Variants in GDPD4 observed in about 807,000 individuals in gnomAD.
GDPD4 encodes glycerophosphodiester phosphodiesterase 6.
Under a neutral mutation model 67.8 loss-of-function variants are expected in GDPD4, and 60 were observed. The observed-to-expected ratio is 0.88, with a 90% CI of 0.72 to 1.10. GDPD4 has a LOEUF of 1.10. Among genes scored for constraint, GDPD4 ranks in the 50% least tolerant of loss-of-function variants. The probability of loss-of-function intolerance (pLI) is 0.00; values close to 1 mark genes in which losing one functional copy is unlikely to be tolerated. For synonymous variants in GDPD4, 212 were observed against 210.9 expected, an observed-to-expected ratio of 1.00 and a Z score of -0.04; for missense variants, 623 against 613.9, an observed-to-expected ratio of 1.01 and a Z score of -0.16.
chr11:77,290,553 A>C (rs1591581871), intron 1 of GDPD4, among the ~76,000 whole-genome samples: 3 of 152,310 alleles, frequency 2.0e-5, no homozygotes, highest in African/African-American at 7.2e-5. Context: ...AAGAAAAAAA[A>C]ATTATTGAAA....
intron 14 of GDPD4, among the ~76,000 whole-genome samples, chr11:77,232,662 CA>C (rs1412906364): frequency 3.9e-5 from 6 of 152,162 alleles, no homozygotes. Flanking sequence ...GCTACAGTAA[CA>C]AAACTCTGAA....
intron 1 of GDPD4, among the ~76,000 whole-genome samples, chr11:77,290,341 C>A (rs1937731038): frequency 6.6e-6 from 1 of 152,180 alleles, no homozygotes; most frequent in Admixed American, 6.5e-5. Flanking sequence ...ATAAAACATT[C>A]TCCAGGATAG....
At chr11:77,255,496 G>A (rs144729698) in intron 11 of GDPD4, among the ~76,000 whole-genome samples, 259 of 152,108 alleles carry the variant, frequency 1.7e-3, no homozygotes, top group African/African-American at 4.9e-3. Flanking sequence ...CTCAGGAGGC[G>A]GAGGCTTCAG....
intron 11 of GDPD4, among the ~76,000 whole-genome samples, chr11:77,252,498 T>C (rs540688151): frequency 2.0e-5 from 3 of 152,342 alleles, no homozygotes; most frequent in Non-Finnish European, 4.4e-5. Context: ...GAATTCCTTT[T>C]CCAGTAATTC....
intron 10 of GDPD4, among the ~76,000 whole-genome samples, chr11:77,259,819 G>T (rs1370632687): frequency 6.6e-6 from 1 of 152,152 alleles, no homozygotes; most frequent in Non-Finnish European, 1.5e-5. Flanking sequence ...TAAGTGTATG[G>T]CTAAATATCA....
intron 13 of GDPD4, among the ~76,000 whole-genome samples, chr11:77,233,846 T>C (rs1285101412): frequency 2.6e-5 from 4 of 152,198 alleles, no homozygotes; most frequent in Non-Finnish European, 5.9e-5. Context: ...GGTGAACTTA[T>C]TAAATTTCAA....
chr11:77,295,147 T>G (rs577264072), intron 1 of GDPD4, among the ~76,000 whole-genome samples: 4 of 151,480 alleles, frequency 2.6e-5, no homozygotes, highest in African/African-American at 9.7e-5. Flanking sequence ...TTGTTGTTGT[T>G]GTTTTTGTTT....
chr11:77,245,768 A>G (rs937808897), intron 11 of GDPD4, among the ~76,000 whole-genome samples: 7 of 152,160 alleles, frequency 4.6e-5, no homozygotes, highest in Non-Finnish European at 1.0e-4. Flanking sequence ...CTTCCTTTCC[A>G]GCCTTCTCTC....
chr11:77,272,635 G>A (rs939167027), intron 5 of GDPD4, among the ~76,000 whole-genome samples: 5 of 152,068 alleles, frequency 3.3e-5, no homozygotes, highest in Non-Finnish European at 7.4e-5. Flanking sequence ...AATTAGCCAG[G>A]TGTGGTTGCA....
intron 13 of GDPD4, among the ~76,000 whole-genome samples, chr11:77,239,542 T>C (rs186036183): frequency 4.6e-5 from 7 of 152,330 alleles, no homozygotes; most frequent in Admixed American, 2.0e-4. Flanking sequence ...TTCTATGTAC[T>C]AACAACTACC....
At chr11:77,286,987 G>T (rs138686471) in intron 2 of GDPD4, 1 of 152,210 alleles carries the variant, frequency 6.6e-6, no homozygotes, top group African/African-American at 2.4e-5. Context: ...ACATAAAAGA[G>T]GTAGTAAGGA....
chr11:77,300,803 C>T (rs1793470), intron 1 of GDPD4, among the ~76,000 whole-genome samples: 113,462 of 152,190 alleles, frequency 0.75, 43,412 homozygotes, highest in African/African-American at 0.93. Context: ...CAGAAACCTA[C>T]GCATGGTCAA....
chr11:77,263,378 A>C (rs370481219), intron 10 of GDPD4, among the ~76,000 whole-genome samples: 5 of 152,208 alleles, frequency 3.3e-5, no homozygotes, highest in African/African-American at 1.2e-4. Context: ...ACAAAAATGT[A>C]TAATACTCAA....
chr11:77,301,383 A>G (rs977933975), intron 1 of GDPD4, among the ~76,000 whole-genome samples: 1 of 152,164 alleles, frequency 6.6e-6, no homozygotes, highest in Non-Finnish European at 1.5e-5. Flanking sequence ...CCCCTTCGCC[A>G]TTAACAACTA....
At chr11:77,301,391 C>G (rs1938155063) in intron 1 of GDPD4, among the ~76,000 whole-genome samples, 1 of 152,128 alleles carries the variant, frequency 6.6e-6, no homozygotes, top group South Asian at 2.1e-4. Context: ...CCATTAACAA[C>G]TAGAAAACTA....
chr11:77,243,549 G>A, intron 13 of GDPD4, 145 bp downstream of exon 13: 4 of 689,426 alleles, frequency 5.8e-6, no homozygotes, highest in Non-Finnish European at 9.9e-6. Flanking sequence ...GGGAGGAAGG[G>A]GTAGGAAAAA....
chr11:77,223,158 G>A (rs1359194619), intron 16 of GDPD4, among the ~76,000 whole-genome samples: 1 of 152,112 alleles, frequency 6.6e-6, no homozygotes, highest in Non-Finnish European at 1.5e-5. Flanking sequence ...CAATGGGTTC[G>A]AACATCCTCC....
At chr11:77,288,671 A>C (rs1457713670) in intron 1 of GDPD4, among the ~76,000 whole-genome samples, 1 of 152,180 alleles carries the variant, frequency 6.6e-6, no homozygotes, top group Non-Finnish European at 1.5e-5. Flanking sequence ...TCCCCTATGA[A>C]AGCCAACCCA....
In GDPD4 at chr11:77,216,943, A is replaced by G. The variant is rs748866565; in HGVS notation, c.*334T>C. 2.8e-6 allele frequency: 2 copies of G among 702,414 alleles called. No individual in the cohort carries two copies. The highest frequency in any genetic ancestry group is 5.2e-6 in the Non-Finnish European group (2 of 384,874). The allele number at this position is 702,414 out of a possible 1,614,324, so 43.5% of individuals were successfully genotyped here. On this transcript the variant is annotated 3_prime_UTR_variant, in exon 17 of 17. Coordinates refer to ENST00000315938, the MANE Select transcript of GDPD4 (RefSeq NM_182833.3). Reference sequence around the variant, plus strand: ...TCTCTTAGAGGTCTCTTATTTAAGGATAGGGGACCTCTATGGAGGGCATGG... The same window carrying G: ...TCTCTTAGAGGTCTCTTATTTAAGGGTAGGGGACCTCTATGGAGGGCATGG...
Sources: gnomAD v4.1 joint callset for allele counts (sites outside exome capture counted in the v4.1 genomes callset) on GRCh38, gnomAD v4.1.1 for gene constraint, MANE v1.5 for transcripts, NCBI Gene and HGNC (gene_info 2026-07-23, HGNC 2026-07-21) for gene names.